Variants in BRD3 observed in about 807,000 individuals in gnomAD.
BRD3 encodes bromodomain containing 3, also known as bromodomain-containing protein 3.
A neutral mutation model predicts 66.8 loss-of-function variants in BRD3; 17 were observed. The observed-to-expected ratio is 0.25, with a 90% CI of 0.17 to 0.38. The LOEUF (loss-of-function observed/expected upper bound fraction) is 0.38. Among genes scored for constraint, BRD3 ranks in the 10% least tolerant of loss-of-function variants. The pLI, the probability that BRD3 is intolerant of heterozygous loss-of-function variation, is 1.00. For missense variants in BRD3, 713 were observed against 956.1 expected, an observed-to-expected ratio of 0.75 and a Z score of 3.35; for synonymous variants, 421 against 393.2, an observed-to-expected ratio of 1.07 and a Z score of -0.84.
chr9:134,050,594 A>G lies in BRD3; in HGVS notation c.500-6T>C. 1 of 1,603,220 alleles carries G rather than the reference A, an allele frequency of 6.2e-7. No homozygotes were observed. Among genetic ancestry groups the G allele is most frequent in the Non-Finnish European group, 8.5e-7 (1 of 1,176,850 alleles). On this transcript the variant is annotated splice_region_variant and splice_polypyrimidine_tract_variant and intron_variant, in intron 4 of 11. Coordinates refer to ENST00000303407, the MANE Select transcript of BRD3 (RefSeq NM_007371.4). ...GGCCGCCACTTGCTGTGTACCTTCA[A>G]GACAAGGAAGGGATGTTCAACACAC...
intron 1 of BRD3, chr9:134,054,316 GC>G (rs1473785556): frequency 6.6e-6 from 1 of 152,236 alleles, no homozygotes; most frequent in Non-Finnish European, 1.5e-5. Flanking sequence ...GGCTTCCCTG[GC>G]CCCGACTGGC....
rs199668483 is a variant in BRD3, at chr9:134,032,935, C to T, written c.*655G>A. The T allele has an allele frequency of 1.8e-5, 7 of 391,414 alleles. No homozygotes were observed. The highest frequency in any genetic ancestry group is 1.4e-4 in the South Asian group (1 of 6,908). The allele number at this position is 391,414 out of a possible 1,614,324, so 24.2% of individuals were successfully genotyped here. The stretch of plus-strand genomic sequence containing the variant: ...GAAACCTGCAGGCTGCATACACAGC[C>T]GCTCTGTTCCCTCCGAGGAGCTCCT... On this transcript the variant is annotated 3_prime_UTR_variant, in exon 12 of 12. Transcript: ENST00000303407.
intron 9 of BRD3, among the ~76,000 whole-genome samples, chr9:134,037,916 C>T (rs1197423434): frequency 3.3e-5 from 5 of 152,108 alleles, no homozygotes; most frequent in African/African-American, 4.8e-5. Context: ...TTTGACAATC[C>T]GAGTGGAATG....
intron 1 of BRD3, among the ~76,000 whole-genome samples, chr9:134,067,443 A>T (rs1375851108): frequency 6.7e-6 from 1 of 148,932 alleles, no homozygotes; most frequent in African/African-American, 2.4e-5. Flanking sequence ...AGGCGCGGGG[A>T]AAGTGGCCCC....
chr9:134,046,865 A>T (rs993211060), intron 6 of BRD3, among the ~76,000 whole-genome samples: 1 of 152,236 alleles, frequency 6.6e-6, no homozygotes, highest in Non-Finnish European at 1.5e-5. Flanking sequence ...TATGGTTTCA[A>T]GGGCAAATCA....
intron 1 of BRD3, chr9:134,058,380 T>C (rs1258647357): frequency 2.0e-5 from 3 of 152,270 alleles, no homozygotes; most frequent in Non-Finnish European, 2.9e-5. Context: ...GAGGTAACAT[T>C]GGGAGTGTGG....
Position 134,032,509 on chromosome 9 carries a change from C to T in BRD3, c.*1081G>A, listed in dbSNP as rs999326495. 6.5e-5 allele frequency: 15 copies of T among 230,150 alleles called. No individual in the cohort carries two copies. Among genetic ancestry groups the T allele is most frequent in the Admixed American group, 2.3e-4 (4 of 17,664 alleles). 14.3% of individuals were successfully genotyped at this position (230,150 alleles called of 1,614,324 possible). A position where few individuals can be genotyped will look rare whatever the true frequency, so the allele number is the denominator to read the frequency against. On this transcript the variant is annotated 3_prime_UTR_variant, in exon 12 of 12. Coordinates refer to ENST00000303407, the MANE Select transcript of BRD3 (RefSeq NM_007371.4). The stretch of plus-strand genomic sequence containing the variant: ...CCCAACAAACCCAGGGGCGAGCGCG[C>T]GAACAGACGTGGGTGAGCACCGCGC...
At chr9:134,042,650 C>T (rs982109379) in intron 7 of BRD3, among the ~76,000 whole-genome samples, 28 of 136,530 alleles carry the variant, frequency 2.1e-4, no homozygotes, top group South Asian at 1.9e-3. Context: ...TATATATACA[C>T]ACACACACAC....
intron 3 of BRD3, 75 bp from the exon 4 acceptor site, chr9:134,051,784 C>T: frequency 2.0e-6 from 3 of 1,497,468 alleles, no homozygotes; most frequent in Non-Finnish European, 2.7e-6. Context: ...TTAGTTGTAG[C>T]TCAAAAAAAT....
intron 1 of BRD3, among the ~76,000 whole-genome samples, chr9:134,062,292 C>T (rs1342409013): frequency 6.6e-6 from 1 of 152,174 alleles, no homozygotes; most frequent in Non-Finnish European, 1.5e-5. Flanking sequence ...GCTCTACAGG[C>T]CCAGCCCTGT....
intron 7 of BRD3, among the ~76,000 whole-genome samples, chr9:134,044,562 T>C (rs1348572174): frequency 6.6e-6 from 1 of 152,058 alleles, no homozygotes; most frequent in Non-Finnish European, 1.5e-5. Flanking sequence ...GTGCTGTTAT[T>C]TATAAAAGCA....
At chr9:134,039,258 C>T (rs150767876) in intron 9 of BRD3, among the ~76,000 whole-genome samples, 2 of 152,340 alleles carry the variant, frequency 1.3e-5, no homozygotes, top group East Asian at 3.9e-4. Flanking sequence ...TAAATCCTAA[C>T]TCTCCTTCAT....
intron 7 of BRD3, among the ~76,000 whole-genome samples, chr9:134,042,792 T>C (rs12337974): frequency 1.4e-5 from 2 of 147,806 alleles, no homozygotes; most frequent in Admixed American, 6.7e-5. Context: ...TACACAAATA[T>C]ACACACACAC....
At chr9:134,060,919 G>A (rs1311409098) in intron 1 of BRD3, among the ~76,000 whole-genome samples, 13 of 152,228 alleles carry the variant, frequency 8.5e-5, no homozygotes, top group African/African-American at 3.1e-4. Context: ...GGACCTGAAT[G>A]AAAAGCAGAA....
intron 1 of BRD3, among the ~76,000 whole-genome samples, chr9:134,060,291 G>A (rs934477027): frequency 6.6e-6 from 1 of 152,188 alleles, no homozygotes; most frequent in African/African-American, 2.4e-5. Context: ...GAGTGGGTCT[G>A]GTGAAATCCT....
In BRD3 at chr9:134,032,611, C is replaced by G. The variant is rs1370684302; in HGVS notation, c.*979G>C. 1 of 230,294 alleles carries G rather than the reference C, an allele frequency of 4.3e-6. No homozygotes were observed. The highest frequency in any genetic ancestry group is 2.2e-5 in the African/African-American group (1 of 45,130). 14.3% of individuals were successfully genotyped at this position (230,294 alleles called of 1,614,324 possible). A position where few individuals can be genotyped will look rare whatever the true frequency, so the allele number is the denominator to read the frequency against. On this transcript the variant is annotated 3_prime_UTR_variant, in exon 12 of 12. Coordinates refer to ENST00000303407, the MANE Select transcript of BRD3 (RefSeq NM_007371.4). ...GCGCCCGGCACACCACTGGCAAGGC[C>G]TGCATCTCTGCGACTGTGTGAATGC...
At chr9:134,036,479 A>T in intron 9 of BRD3, 155 bp from the exon 10 acceptor site, 2 of 1,578,774 alleles carry the variant, frequency 1.3e-6, no homozygotes, top group Non-Finnish European at 1.7e-6. Flanking sequence ...CAAGGTTAGA[A>T]AAGTCGCTCC....
At chr9:134,038,499 CAGT>C (rs1205680836) in intron 9 of BRD3, among the ~76,000 whole-genome samples, 22 of 152,142 alleles carry the variant, frequency 1.4e-4, no homozygotes, top group African/African-American at 5.3e-4. Context: ...ATGGGCAACA[CAGT>C]AGGATTCTAA....
At position 134,033,732 on chromosome 9, in the gene BRD3, G is replaced by T; in HGVS notation, c.2066-27C>A. ...TGTGGAGACATGGGCAGGGAGATGCGCTCGCACACCCGCTTCTTGACCCGC... is the reference window on the plus strand; with the variant it reads ...TGTGGAGACATGGGCAGGGAGATGCTCTCGCACACCCGCTTCTTGACCCGC... On this transcript the variant is annotated intron_variant, in intron 11 of 11. Transcript: ENST00000303407. This position sits in a 1 kb window ranked among gnomAD's most constrained non-coding sequence, Gnocchi z 5.1. The T allele has an allele frequency of 1.4e-6, 1 of 704,354 alleles. No homozygotes were observed. 43.6% of individuals were successfully genotyped at this position (704,354 alleles called of 1,614,324 possible).
Sources: allele counts gnomAD v4.1 joint callset (sites outside exome capture counted in the v4.1 genomes callset), GRCh38; gene constraint gnomAD v4.1.1; non-coding constraint Gnocchi (gnomAD v3.1); transcripts MANE v1.5; gene names NCBI Gene and HGNC (gene_info 2026-07-23, HGNC 2026-07-21).